NXPH1: variants seen among roughly 807,000 people sequenced by gnomAD.
NXPH1 encodes neurexophilin 1, also known as neurexophilin-1.
NXPH1 carries 5 observed loss-of-function variants against 23.7 expected under a neutral mutation model. That is an observed-to-expected ratio of 0.21 (90% CI 0.11 to 0.44). The LOEUF (loss-of-function observed/expected upper bound fraction) is 0.44. NXPH1 is among the 20% of genes least tolerant of loss of function. The probability of loss-of-function intolerance (pLI) is 0.99; values close to 1 mark genes in which losing one functional copy is unlikely to be tolerated. For missense variants in NXPH1, 324 were observed against 321.6 expected, an observed-to-expected ratio of 1.01 and a Z score of -0.06; for synonymous variants, 144 against 122.2, an observed-to-expected ratio of 1.18 and a Z score of -1.18.
intron 2 of NXPH1, among the ~76,000 whole-genome samples, chr7:8,672,649 T>C (rs1820889521): frequency 6.6e-6 from 1 of 152,140 alleles, no homozygotes; most frequent in African/African-American, 2.4e-5. Context: ...AAGTCTGCAT[T>C]TTGAAGAAAT....
chr7:8,556,022 C>T (rs1024735521), intron 2 of NXPH1, among the ~76,000 whole-genome samples: 4 of 151,656 alleles, frequency 2.6e-5, no homozygotes, highest in African/African-American at 9.7e-5. Context: ...ATAATATAGG[C>T]TCTTGAGGGG....
chr7:8,640,629 T>C (rs182764712), intron 2 of NXPH1, among the ~76,000 whole-genome samples: 77 of 152,248 alleles, frequency 5.1e-4, no homozygotes, highest in African/African-American at 1.8e-3. Context: ...TCTTATTCTT[T>C]TAGATAAAAT....
intron 2 of NXPH1, among the ~76,000 whole-genome samples, chr7:8,524,349 G>T (rs1370147637): frequency 6.6e-6 from 1 of 151,850 alleles, no homozygotes; most frequent in Admixed American, 6.6e-5. Context: ...TCCTCTTAAG[G>T]CTTGGCTCTT....
In NXPH1 at chr7:8,679,562, C is replaced by T. The variant is rs930485329; in HGVS notation, c.55-71446C>T. Among the ~76,000 whole-genome samples the T allele has an allele frequency of 2.0e-5, 3 of 152,016 alleles. 1 individual carries two copies. Among genetic ancestry groups the T allele is most frequent in the Admixed American group, 2.0e-4 (3 of 15,252 alleles). ...TGTTAAAATCTTATTGTCAATTTTC[C>T]CTCAATGTTTCTTTGTCACAAATTA... On this transcript the variant is annotated intron_variant, in intron 2 of 2. Transcript: ENST00000405863.
At chr7:8,743,389 A>ATCTCTTTT in intron 2 of NXPH1, among the ~76,000 whole-genome samples, 1 of 116,084 alleles carries the variant, frequency 8.6e-6, no homozygotes, top group African/African-American at 2.7e-5. Context: ...AAGATTGTAT[A>ATCTCTTTT]TATAAAAGAG....
At chr7:8,635,911 A>G (rs1293705174) in intron 2 of NXPH1, among the ~76,000 whole-genome samples, 1 of 152,128 alleles carries the variant, frequency 6.6e-6, no homozygotes, top group Non-Finnish European at 1.5e-5. Flanking sequence ...CCTCCTATTT[A>G]TAGAAAAAAA....
At chr7:8,449,312 G>A (rs1554422037) in intron 2 of NXPH1, among the ~76,000 whole-genome samples, 1 of 152,176 alleles carries the variant, frequency 6.6e-6, no homozygotes, top group Non-Finnish European at 1.5e-5. Context: ...GGGTATCCAA[G>A]AAAAGTTCCT....
At chr7:8,588,679 A>G (rs1211587730) in intron 2 of NXPH1, among the ~76,000 whole-genome samples, 2 of 152,082 alleles carry the variant, frequency 1.3e-5, no homozygotes, top group Non-Finnish European at 2.9e-5. Flanking sequence ...TGGATTTTGA[A>G]TAGAGTCACA....
At chr7:8,567,058 T>C (rs1309554177) in intron 2 of NXPH1, among the ~76,000 whole-genome samples, 1 of 151,902 alleles carries the variant, frequency 6.6e-6, no homozygotes, top group Non-Finnish European at 1.5e-5. Context: ...TACACATCTG[T>C]GATGGAAGCT....
chr7:8,483,965 C>CTTTTTTTTTTTTTTTTTTTTTTTTTTT (rs60436502), intron 2 of NXPH1, among the ~76,000 whole-genome samples: 2 of 132,336 alleles, frequency 1.5e-5, no homozygotes, highest in Admixed American at 7.4e-5. Flanking sequence ...CTCCCCCCAC[C>CTTTTTTTTTTTTTTTTTTTTTTTTTTT]TTTTTTTTTT....
intron 2 of NXPH1, among the ~76,000 whole-genome samples, chr7:8,446,966 A>C (rs552037299): frequency 2.2e-4 from 33 of 152,178 alleles, no homozygotes. Flanking sequence ...ATCTCCTCTA[A>C]ATCAGAAACA....
At chr7:8,437,366 G>C (rs147465885) in intron 2 of NXPH1, among the ~76,000 whole-genome samples, 2 of 147,100 alleles carry the variant, frequency 1.4e-5, no homozygotes, top group African/African-American at 2.5e-5. Flanking sequence ...TTGAGAGATG[G>C]GGGGAGGGAA....
At chr7:8,495,430 T>C (rs1817318162) in intron 2 of NXPH1, among the ~76,000 whole-genome samples, 3 of 151,838 alleles carry the variant, frequency 2.0e-5, no homozygotes, top group South Asian at 2.1e-4. Flanking sequence ...CCGAACACCA[T>C]GTTAGGTAAG....
intron 2 of NXPH1, among the ~76,000 whole-genome samples, chr7:8,541,201 AG>A (rs1041428913): frequency 6.6e-6 from 1 of 151,750 alleles, no homozygotes; most frequent in African/African-American, 2.4e-5. Context: ...ATGTTCAAAA[AG>A]TTTAGATATG....
At chr7:8,639,824 C>T (rs767255645) in intron 2 of NXPH1, among the ~76,000 whole-genome samples, 31 of 152,132 alleles carry the variant, frequency 2.0e-4, no homozygotes, top group African/African-American at 7.0e-4. Flanking sequence ...TCTTTTGCCC[C>T]GGCCATGTAA....
At chr7:8,722,411 A>T (rs1021591574) in intron 2 of NXPH1, among the ~76,000 whole-genome samples, 1 of 152,134 alleles carries the variant, frequency 6.6e-6, no homozygotes, top group Non-Finnish European at 1.5e-5. Flanking sequence ...TTCTGTTACA[A>T]TGGTTCTCTC....
intron 2 of NXPH1, among the ~76,000 whole-genome samples, chr7:8,606,747 A>G (rs867813307): frequency 2.7e-4 from 41 of 152,124 alleles, no homozygotes; most frequent in African/African-American, 9.7e-4. Context: ...ATCTAAGTGT[A>G]TATCCTCCTA....
At chr7:8,685,761 A>G (rs1312193782) in intron 2 of NXPH1, among the ~76,000 whole-genome samples, 4 of 152,024 alleles carry the variant, frequency 2.6e-5, no homozygotes, top group Non-Finnish European at 5.9e-5. Context: ...AAGGAAGGTT[A>G]CCAGAGCCTG....
intron 2 of NXPH1, among the ~76,000 whole-genome samples, chr7:8,737,445 T>A (rs1172951758): frequency 6.6e-6 from 1 of 152,212 alleles, no homozygotes; most frequent in African/African-American, 2.4e-5. Flanking sequence ...TGTTTAAGAA[T>A]GTTAAATATT....
Sources: gnomAD v4.1 joint callset for allele counts (sites outside exome capture counted in the v4.1 genomes callset) on GRCh38, gnomAD v4.1.1 for gene constraint, MANE v1.5 for transcripts, NCBI Gene and HGNC (gene_info 2026-07-23, HGNC 2026-07-21) for gene names.